ATAD2: variants seen among roughly 807,000 people sequenced by gnomAD.
ATAD2 encodes the protein ATPase family AAA domain containing 2.
Under a neutral mutation model 168.9 loss-of-function variants are expected in ATAD2, and 62 were observed. The observed-to-expected ratio is 0.37, with a 90% CI of 0.30 to 0.45. The LOEUF (loss-of-function observed/expected upper bound fraction) is 0.45, where lower values mean the gene tolerates loss of function less well. Among genes scored for constraint, ATAD2 ranks in the 20% least tolerant of loss-of-function variants. The pLI, the probability that ATAD2 is intolerant of heterozygous loss-of-function variation, is 1.00. For missense variants in ATAD2, 1,419 were observed against 1,667.8 expected, an observed-to-expected ratio of 0.85 and a Z score of 2.60; for synonymous variants, 613 against 571.6, an observed-to-expected ratio of 1.07 and a Z score of -1.03.
At chr8:123,401,766 A>C in intron 1 of ATAD2, 1 of 749,718 alleles carries the variant, frequency 1.3e-6, no homozygotes, top group Non-Finnish European at 2.5e-6. Flanking sequence ...CCCAGCGAAT[A>C]GTTCTCAGAT....
At position 123,334,281 on chromosome 8, in the gene ATAD2, C is replaced by A; in HGVS notation, c.3253G>T (p.Ala1085Ser). ...AGTTCTTCTTTAATTATGGCATAGG[C>A]AGTATCTCTTAAAGCACAGGCTCTA... Reference protein sequence around the residue: ...RHRACALRDTAYAIIKEELDE... With the variant: ...RHRACALRDTSYAIIKEELDE... The change falls in exon 23 of 28, where the codon GCC (alanine) becomes TCC (serine). Residue 1085 changes from alanine (A) to serine (S), a missense_variant. By Grantham distance (99) the Ala-to-Ser change is moderately conservative (BLOSUM62 1). Coordinates refer to ENST00000287394, the MANE Select transcript of ATAD2 (RefSeq NM_014109.4). 1 of 1,598,798 alleles carries A rather than the reference C, an allele frequency of 6.3e-7. No homozygotes were observed. The highest frequency in any genetic ancestry group is 1.1e-5 in the South Asian group (1 of 87,360).
At position 123,369,870 on chromosome 8, in the gene ATAD2, A is replaced by G. The variant is rs142345487; in HGVS notation, c.882T>C (p.Tyr294=). The change falls in exon 7 of 28, where the codon TAT becomes TAC. Residue 294 remains tyrosine, a synonymous_variant. Coordinates refer to ENST00000287394, the MANE Select transcript of ATAD2 (RefSeq NM_014109.4). The part of the protein sequence containing the change: ...EDGEEENQKR[Y]YLRQRKATVY... Reference sequence around the variant, plus strand: ...CAGTAGCTTTTCTCTGTCTAAGATAATATCGCTTCTGATTCTCTTCTTCTC... The same window carrying G: ...CAGTAGCTTTTCTCTGTCTAAGATAGTATCGCTTCTGATTCTCTTCTTCTC... The G allele has an allele frequency of 1.1e-3, 1,803 of 1,612,068 alleles. 1 individual carries two copies. The highest frequency in any genetic ancestry group is 1.3e-3 in the Non-Finnish European group (1,518 of 1,179,464).
chr8:123,343,205 A>T (rs1207434371), intron 19 of ATAD2, among the ~76,000 whole-genome samples: 1 of 151,900 alleles, frequency 6.6e-6, no homozygotes, highest in Non-Finnish European at 1.5e-5. Flanking sequence ...TGAACTCCTG[A>T]TCTCAGGTGA....
chr8:123,414,933 G>A (rs780542542), intron 1 of ATAD2, among the ~76,000 whole-genome samples: 4 of 152,066 alleles, frequency 2.6e-5, no homozygotes, highest in African/African-American at 4.8e-5. Flanking sequence ...TCCATTCATC[G>A]TGCTTTGTTG....
At chr8:123,399,416 T>C (rs1812969067), upstream of ATAD2, among the ~76,000 whole-genome samples, 1 of 152,198 alleles carries the variant, frequency 6.6e-6, no homozygotes, top group Non-Finnish European at 1.5e-5. Context: ...TCATGGAGCT[T>C]ACATTCTAAG....
intron 13 of ATAD2, among the ~76,000 whole-genome samples, chr8:123,350,922 G>T (rs566195355): frequency 1.3e-5 from 2 of 151,532 alleles, no homozygotes; most frequent in Non-Finnish European, 1.5e-5. Flanking sequence ...TAGTAGAGAC[G>T]AGATTTCACC....
chr8:123,340,306 A>G (rs947337951), intron 19 of ATAD2, among the ~76,000 whole-genome samples: 29 of 152,244 alleles, frequency 1.9e-4, no homozygotes, highest in Admixed American at 1.5e-3. Flanking sequence ...AAACCAAAAT[A>G]TAAAGGCCAG....
At chr8:123,386,496 CAGGGACTAGGAGGAGAG>C (rs1475836798) in intron 1 of ATAD2, among the ~76,000 whole-genome samples, 5 of 151,946 alleles carry the variant, frequency 3.3e-5, no homozygotes, top group Non-Finnish European at 7.4e-5. Context: ...CAGTGGTTGC[CAGGGACTAGGAGGAGAG>C]AGGAACTGGG....
chr8:123,400,989 C>T (rs1812988589), upstream of ATAD2: 1 of 1,465,866 alleles, frequency 6.8e-7, no homozygotes, highest in African/African-American at 1.4e-5. The surrounding 1 kb of genome is among the most constrained non-coding windows in gnomAD (Gnocchi z 4.5). Flanking sequence ...TGCGGCATGG[C>T]TTCTCTGGTA....
At chr8:123,416,035 TCTTTTCGAGCCAATAGCTACAGGC>T (rs1428524544) in intron 1 of ATAD2, among the ~76,000 whole-genome samples, 1 of 152,100 alleles carries the variant, frequency 6.6e-6, no homozygotes, top group Non-Finnish European at 1.5e-5. Flanking sequence ...AATTAATATA[TCTTTTCGAGCCAATAGCTACAGGC>T]CTTCCAATTT....
intron 1 of ATAD2, chr8:123,401,698 G>A (rs766273363): frequency 1.5e-4 from 110 of 748,702 alleles, no homozygotes; most frequent in Non-Finnish European, 2.5e-4. Context: ...TCAAGGTGCC[G>A]GCCCTTGGTG....
rs1269035288 is a variant in ATAD2, at chr8:123,320,573, C to T, written c.*561G>A. 6.6e-6 allele frequency: 1 copy of T among 152,152 alleles called. No individual in the cohort carries two copies. The highest frequency in any genetic ancestry group is 2.4e-5 in the African/African-American group (1 of 41,414). 9.4% of individuals were successfully genotyped at this position (152,152 alleles called of 1,614,324 possible). On this transcript the variant is annotated 3_prime_UTR_variant, in exon 28 of 28. Coordinates refer to ENST00000287394, the MANE Select transcript of ATAD2 (RefSeq NM_014109.4). The stretch of plus-strand genomic sequence containing the variant: ...TGTCTCAAAAACAATGACTGTGATA[C>T]TCAAGTACAGAATTGTGGTGCAGCC...
intron 1 of ATAD2, among the ~76,000 whole-genome samples, chr8:123,384,750 T>C (rs1039352809): frequency 2.6e-5 from 4 of 152,254 alleles, no homozygotes; most frequent in African/African-American, 9.6e-5. Flanking sequence ...CTTACTTTTC[T>C]TGCTCACAAA....
At position 123,402,023 on chromosome 8, in the gene ATAD2, G is replaced by C. The variant is rs1813009630; in HGVS notation, c.-2281-848C>G. The stretch of plus-strand genomic sequence containing the variant: ...CCTTTGGTCCATGATGTACTCAGGA[G>C]AGCTCAAGTTTGAGAAGCGTACCAT... On this transcript the variant is annotated intron_variant, in intron 1 of 28. Transcript: ENST00000521903. The surrounding 1 kb of genome is among the most constrained non-coding windows in gnomAD (Gnocchi z 4.8). 2.0e-6 allele frequency: 3 copies of C among 1,500,074 alleles called. No individual in the cohort carries two copies. Among genetic ancestry groups the C allele is most frequent in the Non-Finnish European group, 2.8e-6 (3 of 1,080,966 alleles). 92.9% of individuals were successfully genotyped at this position (1,500,074 alleles called of 1,614,324 possible). A position where few individuals can be genotyped will look rare whatever the true frequency, so the allele number is the denominator to read the frequency against.
At position 123,369,966 on chromosome 8, in the gene ATAD2, A is replaced by ATCATCT. The variant is rs768707698; in HGVS notation, c.780_785dup (p.Glu260_Asp261dup). ...CATCGTCATCATCATCATCATCTTC[A>ATCATCT]TCATCTTCATCTTCACCATCATCTT... On this transcript the variant is annotated inframe_insertion, in exon 7 of 28. Transcript: ENST00000287394. 1 of 1,579,398 alleles carries ATCATCT rather than the reference A, an allele frequency of 6.3e-7. No homozygotes were observed. Among genetic ancestry groups the ATCATCT allele is most frequent in the South Asian group, 1.1e-5 (1 of 90,380 alleles).
At chr8:123,344,333 T>G (rs188942146) in intron 19 of ATAD2, among the ~76,000 whole-genome samples, 1 of 151,784 alleles carries the variant, frequency 6.6e-6, no homozygotes, top group East Asian at 1.9e-4. Context: ...TATACTCCCA[T>G]TTTTTAAATA....
chr8:123,379,562 ATTTTTTTTTT>A lies in ATAD2; in HGVS notation c.320+957_320+966del, dbSNP rs67580328. On this transcript the variant is annotated intron_variant, in intron 2 of 27. Coordinates refer to ENST00000287394, the MANE Select transcript of ATAD2 (RefSeq NM_014109.4). ...TAAAAGCATGAATGTGTACATACTA[ATTTTTTTTTT>A]TTTTTTTGGAGATGGAGTCTTGCTT... 2.4e-3 allele frequency among the ~76,000 whole-genome samples: 316 copies of A among 130,058 alleles called. 2 individuals are homozygous for A. Among genetic ancestry groups the A allele is most frequent in the Middle Eastern group, 3.8e-3 (1 of 260 alleles). 85.3% of individuals were successfully genotyped at this position (130,058 alleles called of 152,430 possible). A position where few individuals can be genotyped will look rare whatever the true frequency, so the allele number is the denominator to read the frequency against.
intron 17 of ATAD2, 124 bp from the exon 18 acceptor site, chr8:123,346,396 T>C: frequency 9.6e-7 from 1 of 1,043,292 alleles, no homozygotes; most frequent in Non-Finnish European, 1.3e-6. Context: ...AATCATAACA[T>C]GGTTCACATA....
chr8:123,401,254 C>T, upstream of ATAD2: 1 of 969,074 alleles, frequency 1.0e-6, no homozygotes, highest in Non-Finnish European at 1.7e-6. Context: ...CCTCACCGAC[C>T]TGAAGAACCG....
Sources: allele counts gnomAD v4.1 joint callset (sites outside exome capture counted in the v4.1 genomes callset), GRCh38; gene constraint gnomAD v4.1.1; non-coding constraint Gnocchi (gnomAD v3.1); transcripts MANE v1.5; gene names NCBI Gene and HGNC (gene_info 2026-07-23, HGNC 2026-07-21).